Variants in RTN1 observed in about 807,000 individuals in gnomAD.
RTN1 encodes the protein reticulon 1.
RTN1 carries 25 observed loss-of-function variants against 65.5 expected under a neutral mutation model. The ratio of observed to expected loss-of-function variants is 0.38; its 90% CI spans 0.28 to 0.53. The LOEUF (loss-of-function observed/expected upper bound fraction) is 0.53, where lower values mean the gene tolerates loss of function less well. Ranked by LOEUF, RTN1 falls within the 20% of genes least tolerant of loss-of-function variation. RTN1 has a pLI of 0.79. For synonymous variants in RTN1, 471 were observed against 447.6 expected, an observed-to-expected ratio of 1.05 and a Z score of -0.66; for missense variants, 983 against 1,025.4, an observed-to-expected ratio of 0.96 and a Z score of 0.57.
intron 3 of RTN1, among the ~76,000 whole-genome samples, chr14:59,674,946 G>A (rs1384519986): frequency 1.3e-5 from 2 of 152,016 alleles, no homozygotes; most frequent in Non-Finnish European, 1.5e-5. Context: ...AATACTTGTT[G>A]AAAATGCATA....
chr14:59,641,406 G>A (rs1882778102), intron 3 of RTN1, among the ~76,000 whole-genome samples: 1 of 152,042 alleles, frequency 6.6e-6, no homozygotes, highest in South Asian at 2.1e-4. Flanking sequence ...GTTTCACTCT[G>A]TCACCCAGGC....
chr14:59,870,555 C>T lies in RTN1; in HGVS notation c.76G>A (p.Gly26Arg). The change falls in exon 1 of 9, where the codon GGG becomes AGG. Residue 26 changes from glycine to arginine, a missense_variant. Around this residue, in one of 2 missense-constraint regions of RTN1, gnomAD observed 818 missense variants for 801.8 expected, o/e 1.02. Coordinates refer to ENST00000267484, the MANE Select transcript of RTN1 (RefSeq NM_021136.3). The surrounding 1 kb of genome is among the most constrained non-coding windows in gnomAD (Gnocchi z 5.1). ...GTCACCGCTTCGTTCTCCCCCTCCCCCCGGTGCCTGAGCCACTGGGACCCG... is the reference window on the plus strand; with the variant it reads ...GTCACCGCTTCGTTCTCCCCCTCCCTCCGGTGCCTGAGCCACTGGGACCCG... ...GPGSQWLRHR[G>R]EGENEAVTPK... 1 of 1,457,746 alleles carries T rather than the reference C, an allele frequency of 6.9e-7. No homozygotes were observed. The highest frequency in any genetic ancestry group is 9.0e-7 in the Non-Finnish European group (1 of 1,110,500). 90.3% of individuals were successfully genotyped at this position (1,457,746 alleles called of 1,614,324 possible).
intron 8 of RTN1, among the ~76,000 whole-genome samples, chr14:59,601,584 A>C (rs534531268): frequency 2.6e-5 from 4 of 152,170 alleles, no homozygotes; most frequent in Non-Finnish European, 5.9e-5. Context: ...TCAACCAACA[A>C]ACCAAATGAA....
chr14:59,781,641 T>G (rs988226567), intron 1 of RTN1, among the ~76,000 whole-genome samples: 2 of 152,132 alleles, frequency 1.3e-5, no homozygotes, highest in African/African-American at 4.8e-5. Context: ...TAATCATGAA[T>G]AGTTTCCATG....
At chr14:59,733,089 TTTTC>T (rs1555357874) in intron 2 of RTN1, among the ~76,000 whole-genome samples, 2 of 150,668 alleles carry the variant, frequency 1.3e-5, no homozygotes, top group East Asian at 1.9e-4. Flanking sequence ...CTTTTTTTTT[TTTTC>T]TTTCTTTCTT....
At chr14:59,609,285 C>CAA (rs71451071) in intron 3 of RTN1, among the ~76,000 whole-genome samples, 50 of 131,058 alleles carry the variant, frequency 3.8e-4, no homozygotes, top group South Asian at 1.2e-3. Flanking sequence ...ACTCTGTCTC[C>CAA]AAAAAAAAAA....
At chr14:59,675,384 A>G (rs919044579) in intron 3 of RTN1, among the ~76,000 whole-genome samples, 1 of 149,150 alleles carries the variant, frequency 6.7e-6, no homozygotes, top group Non-Finnish European at 1.5e-5. Context: ...TGGAATGCTA[A>G]TTTGGGGATC....
intron 1 of RTN1, 25 bp from the exon 2 acceptor site, chr14:59,746,506 A>T: frequency 6.5e-7 from 1 of 1,542,142 alleles, no homozygotes; most frequent in Middle Eastern, 1.8e-4. Flanking sequence ...AGCAGCAGAC[A>T]GTGAGTGGGT....
chr14:59,603,266 G>A lies in RTN1; in HGVS notation c.2183-8C>T. ...TAAACATTGAAACCACAGCTGGGAT[G>A]AAAAACAAATATAGTATTAAAATTC... On this transcript the variant is annotated splice_region_variant and splice_polypyrimidine_tract_variant and intron_variant, in intron 6 of 8. Coordinates refer to ENST00000267484, the MANE Select transcript of RTN1 (RefSeq NM_021136.3). 6.2e-7 allele frequency: 1 copy of A among 1,609,232 alleles called. No homozygotes were observed.
chr14:59,684,668 C>G (rs970285165), intron 3 of RTN1, among the ~76,000 whole-genome samples: 1 of 151,958 alleles, frequency 6.6e-6, no homozygotes, highest in Non-Finnish European at 1.5e-5. Context: ...ATCCTCTTCC[C>G]TGAATTTAGT....
intron 3 of RTN1, chr14:59,630,688 C>T: frequency 8.5e-7 from 1 of 1,171,848 alleles, no homozygotes; most frequent in Non-Finnish European, 1.1e-6. Context: ...TCTGCGCGGC[C>T]GGCAGCGAAT....
Position 59,746,175 on chromosome 14 carries a change from G to T in RTN1, c.548C>A (p.Ala183Glu). The T allele has an allele frequency of 6.2e-7, 1 of 1,607,814 alleles. No homozygotes were observed. ...AESTEVNKIL[A>E]DPLDQMKAEA... is the part of the protein sequence containing the mutation. ...TGCTTTCATCTGGTCCAGAGGGTCTGCTAAGATCTTGTTCACTTCCGTGGA... is the reference window on the plus strand; with the variant it reads ...TGCTTTCATCTGGTCCAGAGGGTCTTCTAAGATCTTGTTCACTTCCGTGGA... Residue 183 changes from alanine (A) to glutamate (E), a missense_variant, in exon 2 of 9, where the codon GCA becomes GAA. By Grantham distance (107) the Ala-to-Glu change is moderately radical. Transcript: ENST00000267484.
chr14:59,657,399 ACT>A (rs1422993141), intron 3 of RTN1, among the ~76,000 whole-genome samples: 2 of 152,114 alleles, frequency 1.3e-5, no homozygotes, highest in Non-Finnish European at 2.9e-5. Context: ...AAAGAGTGAG[ACT>A]CTGTCTCAAC....
chr14:59,693,868 C>A (rs1042773066), intron 3 of RTN1, among the ~76,000 whole-genome samples: 3 of 152,120 alleles, frequency 2.0e-5, no homozygotes, highest in African/African-American at 7.2e-5. Context: ...CCTGAGAATC[C>A]AAAGGCTGGT....
At position 59,803,713 on chromosome 14, in the gene RTN1, C is replaced by T. The variant is rs745859391; in HGVS notation, c.242-57232G>A. On this transcript the variant is annotated intron_variant, in intron 1 of 8. Coordinates refer to ENST00000267484, the MANE Select transcript of RTN1 (RefSeq NM_021136.3). The surrounding 1 kb of genome is among the most constrained non-coding windows in gnomAD (Gnocchi z 5.6). Reference sequence around the variant, plus strand: ...GCTTTTCATTCTAAACAGCACTTTCCTTTCCTGAGCTGCGCTACCTGTGAC... The same window carrying T: ...GCTTTTCATTCTAAACAGCACTTTCTTTTCCTGAGCTGCGCTACCTGTGAC... Among the ~76,000 whole-genome samples the T allele has an allele frequency of 7.9e-5, 12 of 152,188 alleles. No homozygotes were observed. The highest frequency in any genetic ancestry group is 1.6e-4 in the Non-Finnish European group (11 of 68,032).
intron 1 of RTN1, among the ~76,000 whole-genome samples, chr14:59,837,530 T>C (rs1018522733): frequency 1.3e-5 from 2 of 152,066 alleles, no homozygotes; most frequent in African/African-American, 4.8e-5. Flanking sequence ...TATACATAAA[T>C]GTATATAACA....
intron 3 of RTN1, 36 bp from the exon 4 acceptor site, chr14:59,607,528 C>T (rs754629344): frequency 4.5e-6 from 7 of 1,545,264 alleles, no homozygotes; most frequent in South Asian, 2.3e-5. Flanking sequence ...GCTGAGCTCC[C>T]GCAGTGCCGC....
chr14:59,830,742 C>G lies in RTN1; in HGVS notation c.241+39648G>C, dbSNP rs368064873. On this transcript the variant is annotated intron_variant, in intron 1 of 8. Transcript: ENST00000267484. ...CATCTCTGTGCCTTAATTTTCTGAT[C>G]TGCAAAATGAGGATGGTAATGGATT... Among the ~76,000 whole-genome samples, 7 of 152,264 alleles carry G rather than the reference C, an allele frequency of 4.6e-5. No homozygotes were observed. In the East Asian group the frequency reaches 9.6e-4, roughly 21 times the overall value.
intron 3 of RTN1, chr14:59,630,635 A>G: frequency 4.4e-6 from 6 of 1,369,402 alleles, no homozygotes; most frequent in East Asian, 2.9e-5. Flanking sequence ...AGGCTGCACC[A>G]GGCGGCGCGC....
Sources: gnomAD v4.1 joint callset for allele counts (sites outside exome capture counted in the v4.1 genomes callset) on GRCh38, gnomAD v4.1.1 for gene constraint, gnomAD v4.1.1 regional missense constraint, Gnocchi (gnomAD v3.1) non-coding constraint, MANE v1.5 for transcripts, NCBI Gene and HGNC (gene_info 2026-07-23, HGNC 2026-07-21) for gene names.